ARSB: variants seen among roughly 807,000 people sequenced by gnomAD.
ARSB encodes the protein N-acetylgalactosamine-4-sulfatase.
A neutral mutation model predicts 50.9 loss-of-function variants in ARSB; 41 were observed. That is an observed-to-expected ratio of 0.81 (90% CI 0.63 to 1.04). ARSB has a LOEUF of 1.04. Among genes scored for constraint, ARSB ranks in the 50% least tolerant of loss-of-function variants. The pLI is 0.00. For synonymous variants in ARSB, 269 were observed against 284.8 expected, an observed-to-expected ratio of 0.94 and a Z score of 0.56; for missense variants, 672 against 693.3, an observed-to-expected ratio of 0.97 and a Z score of 0.35.
chr5:78,975,462 T>C (rs1462828893), intron 1 of ARSB, among the ~76,000 whole-genome samples: 1 of 152,224 alleles, frequency 6.6e-6, no homozygotes, highest in Non-Finnish European at 1.5e-5. Context: ...ATCAGTGTGA[T>C]TAAGAAAAAT....
At chr5:78,788,998 T>G (rs1749170150) in intron 6 of ARSB, among the ~76,000 whole-genome samples, 1 of 152,166 alleles carries the variant, frequency 6.6e-6, no homozygotes, top group South Asian at 2.1e-4. Flanking sequence ...AATTAGTGAT[T>G]CCAATGGGTT....
chr5:78,869,962 T>C (rs1220927114), intron 5 of ARSB, among the ~76,000 whole-genome samples: 1 of 149,892 alleles, frequency 6.7e-6, no homozygotes, highest in Non-Finnish European at 1.5e-5. Context: ...ATAGACACAA[T>C]AAAAAATGAT....
At chr5:78,780,796 G>T in intron 7 of ARSB, 134 bp from the exon 8 acceptor site, 1 of 1,047,290 alleles carries the variant, frequency 9.5e-7, no homozygotes, top group Non-Finnish European at 1.4e-6. Flanking sequence ...CCTAGATGCT[G>T]TCTCTAGATG....
At chr5:78,866,067 A>G (rs1746707925) in intron 5 of ARSB, among the ~76,000 whole-genome samples, 1 of 152,136 alleles carries the variant, frequency 6.6e-6, no homozygotes, top group Non-Finnish European at 1.5e-5. Context: ...TGGCTTCCAC[A>G]TTTTCAGGTA....
rs930751512 is a variant in ARSB, at chr5:78,872,002, G to A, written c.1142+13582C>T. Among the ~76,000 whole-genome samples, 13 of 151,884 alleles carry A rather than the reference G, an allele frequency of 8.6e-5. 1 individual carries two copies. In the South Asian group the frequency reaches 1.7e-3, roughly 20 times the overall value. The stretch of plus-strand genomic sequence containing the variant: ...CAAACAACCCCATCAAAAAGCGGGC[G>A]AAGGACATGAACAGACACTTCTCAA... On this transcript the variant is annotated intron_variant, in intron 5 of 7. Transcript: ENST00000264914.
intron 5 of ARSB, among the ~76,000 whole-genome samples, chr5:78,858,882 C>A (rs1746286252): frequency 6.6e-6 from 1 of 152,136 alleles, no homozygotes; most frequent in Non-Finnish European, 1.5e-5. Flanking sequence ...CTCACTAAAT[C>A]CTCACATAGG....
At chr5:78,835,137 T>C (rs774115393) in intron 6 of ARSB, among the ~76,000 whole-genome samples, 9 of 152,162 alleles carry the variant, frequency 5.9e-5, no homozygotes, top group Non-Finnish European at 8.8e-5. Flanking sequence ...TGTGTGTGCA[T>C]GTTTCTCTAT....
At chr5:78,835,978 G>A (rs1396074310) in intron 6 of ARSB, among the ~76,000 whole-genome samples, 13 of 152,148 alleles carry the variant, frequency 8.5e-5, no homozygotes, top group Admixed American at 2.0e-4. Context: ...GTTTACACCC[G>A]AGATTGGCTA....
chr5:78,949,283 A>G (rs337865), intron 4 of ARSB, among the ~76,000 whole-genome samples: 108,909 of 152,116 alleles, frequency 0.72, 39,097 homozygotes, highest in Middle Eastern at 0.78. Flanking sequence ...AATATAATCC[A>G]ACACCAGGAA....
At chr5:78,983,671 T>C (rs1753016708) in intron 1 of ARSB, among the ~76,000 whole-genome samples, 1 of 152,204 alleles carries the variant, frequency 6.6e-6, no homozygotes, top group African/African-American at 2.4e-5. Context: ...TTTACTCCCA[T>C]TTCTAACCTT....
intron 5 of ARSB, among the ~76,000 whole-genome samples, chr5:78,847,891 A>G (rs1279071681): frequency 1.3e-5 from 2 of 151,940 alleles, no homozygotes; most frequent in African/African-American, 4.8e-5. Flanking sequence ...TTGTATTTCT[A>G]TGGTATCAGT....
intron 1 of ARSB, among the ~76,000 whole-genome samples, chr5:78,976,278 C>CT (rs541278624): frequency 0.055 from 4,263 of 76,940 alleles, 691 homozygotes; most frequent in Non-Finnish European, 0.078. Context: ...AAACAGGCTA[C>CT]TTTTTTTTTT....
chr5:78,875,024 G>A (rs183572506), intron 5 of ARSB, among the ~76,000 whole-genome samples: 1 of 152,252 alleles, frequency 6.6e-6, no homozygotes, highest in African/African-American at 2.4e-5. Flanking sequence ...GGGGTGGAAG[G>A]ATTGCTTGAG....
intron 4 of ARSB, among the ~76,000 whole-genome samples, chr5:78,888,636 G>C (rs1475275061): frequency 6.6e-6 from 1 of 152,220 alleles, no homozygotes; most frequent in African/African-American, 2.4e-5. Flanking sequence ...GATGAAGATG[G>C]TGGTGGAAAT....
At chr5:78,871,745 C>T (rs558178993) in intron 5 of ARSB, among the ~76,000 whole-genome samples, 22,061 of 136,752 alleles carry the variant, frequency 0.16, 1,852 homozygotes, top group Middle Eastern at 0.2. Context: ...CCATTCAGGA[C>T]ATAGGCGTGG....
At chr5:78,877,049 A>G (rs1747515549) in intron 5 of ARSB, among the ~76,000 whole-genome samples, 1 of 152,166 alleles carries the variant, frequency 6.6e-6, no homozygotes, top group African/African-American at 2.4e-5. Flanking sequence ...CTGGTGCCAG[A>G]GAGTTTGGGG....
At chr5:78,787,940 C>T (rs1232315935) in intron 6 of ARSB, among the ~76,000 whole-genome samples, 1 of 151,946 alleles carries the variant, frequency 6.6e-6, no homozygotes, top group Non-Finnish European at 1.5e-5. Context: ...AAGCAGACGC[C>T]CAGAAACAGA....
chr5:78,821,275 A>G (rs1744210118), intron 6 of ARSB, among the ~76,000 whole-genome samples: 1 of 152,126 alleles, frequency 6.6e-6, no homozygotes, highest in Non-Finnish European at 1.5e-5. Flanking sequence ...AGCTGGGATT[A>G]CAGGCATCCA....
chr5:78,779,863 T>G lies in ARSB; in HGVS notation c.*534A>C, dbSNP rs1315340032. The G allele has an allele frequency of 2.4e-5, 4 of 165,922 alleles. No homozygotes were observed. Among genetic ancestry groups the G allele is most frequent in the Non-Finnish European group, 1.3e-5 (1 of 76,330 alleles). The allele number at this position is 165,922 out of a possible 1,614,324, so 10.3% of individuals were successfully genotyped here. ...GACCTGAACAACAAAATGGGCCTTA[T>G]GCTCTGTGATGAGATAAGTGAGTAA... On this transcript the variant is annotated 3_prime_UTR_variant, in exon 8 of 8. Coordinates refer to ENST00000264914, the MANE Select transcript of ARSB (RefSeq NM_000046.5).
Sources: gnomAD v4.1 joint callset for allele counts (sites outside exome capture counted in the v4.1 genomes callset) on GRCh38, gnomAD v4.1.1 for gene constraint, MANE v1.5 for transcripts, NCBI Gene and HGNC (gene_info 2026-07-23, HGNC 2026-07-21) for gene names.